TP63: variants seen among roughly 807,000 people sequenced by gnomAD.
TP63 encodes tumor protein 63.
TP63 carries 17 observed loss-of-function variants against 82.8 expected under a neutral mutation model. The ratio of observed to expected loss-of-function variants is 0.21; its 90% CI spans 0.14 to 0.31. TP63 has a LOEUF of 0.31. Among genes scored for constraint, TP63 ranks in the 10% least tolerant of loss-of-function variants. TP63 has a pLI of 1.00. For synonymous variants in TP63, 330 were observed against 321.7 expected, an observed-to-expected ratio of 1.03 and a Z score of -0.28; for missense variants, 648 against 895.3, an observed-to-expected ratio of 0.72 and a Z score of 3.52.
At chr3:189,890,573 C>T (rs1377885920) in intron 12 of TP63, among the ~76,000 whole-genome samples, 1 of 152,044 alleles carries the variant, frequency 6.6e-6, no homozygotes, top group Non-Finnish European at 1.5e-5. Context: ...TGCAGGAATC[C>T]TTATAGTTGA....
At chr3:189,679,600 A>T (rs1715734975) in intron 1 of TP63, among the ~76,000 whole-genome samples, 1 of 151,796 alleles carries the variant, frequency 6.6e-6, no homozygotes, top group Admixed American at 6.6e-5. Context: ...CATTCTGTTG[A>T]TTGTTTTTTT....
intron 4 of TP63, among the ~76,000 whole-genome samples, chr3:189,808,919 ATTAAG>A (rs1727233067): frequency 1.3e-5 from 2 of 152,232 alleles, no homozygotes; most frequent in Admixed American, 6.5e-5. Context: ...TAAGTGTCAC[ATTAAG>A]TTGTGATTTT....
chr3:189,839,361 A>G (rs1713644804), intron 4 of TP63, among the ~76,000 whole-genome samples: 1 of 152,234 alleles, frequency 6.6e-6, no homozygotes, highest in South Asian at 2.1e-4. Context: ...TAGAAGCACA[A>G]AGTGGAACCT....
At chr3:189,751,040 G>T (rs1225132796) in intron 3 of TP63, among the ~76,000 whole-genome samples, 1 of 152,052 alleles carries the variant, frequency 6.6e-6, no homozygotes, top group Non-Finnish European at 1.5e-5. Context: ...TGATTGTTCA[G>T]TTCCCACCTA....
At chr3:189,683,530 G>A (rs1390877244) in intron 1 of TP63, among the ~76,000 whole-genome samples, 3 of 152,146 alleles carry the variant, frequency 2.0e-5, no homozygotes, top group Admixed American at 1.3e-4. Flanking sequence ...AGATGCTGGA[G>A]CAGCAGACAC....
At chr3:189,818,349 T>C (rs915092154) in intron 4 of TP63, among the ~76,000 whole-genome samples, 1 of 152,074 alleles carries the variant, frequency 6.6e-6, no homozygotes, top group African/African-American at 2.4e-5. Context: ...CATAAGCCAG[T>C]ATAATTATTG....
intron 3 of TP63, among the ~76,000 whole-genome samples, chr3:189,791,287 CAA>C (rs1725114185): frequency 6.6e-6 from 1 of 151,970 alleles, no homozygotes. Context: ...ATGGGAGAAG[CAA>C]AAGTCTGTTC....
intron 1 of TP63, among the ~76,000 whole-genome samples, chr3:189,680,877 A>G (rs537907602): frequency 6.6e-6 from 1 of 152,214 alleles, no homozygotes; most frequent in African/African-American, 2.4e-5. Context: ...TGTTGAGGCA[A>G]GTTTGGAGCC....
intron 1 of TP63, among the ~76,000 whole-genome samples, chr3:189,673,555 G>A (rs972577228): frequency 6.6e-6 from 1 of 152,180 alleles, no homozygotes; most frequent in East Asian, 1.9e-4. Flanking sequence ...TTATTTTTGT[G>A]TATAGGTCGT....
At chr3:189,783,162 A>C (rs957756917) in intron 3 of TP63, among the ~76,000 whole-genome samples, 1 of 151,932 alleles carries the variant, frequency 6.6e-6, no homozygotes, top group Non-Finnish European at 1.5e-5. Context: ...GTAGCAGTTT[A>C]ATTTCTTTAA....
At chr3:189,772,522 C>T (rs1723454947) in intron 3 of TP63, among the ~76,000 whole-genome samples, 1 of 152,238 alleles carries the variant, frequency 6.6e-6, no homozygotes, top group South Asian at 2.1e-4. Flanking sequence ...TCCATAGTTG[C>T]TCTCACACTG....
chr3:189,733,931 C>T (rs186914313), intron 1 of TP63, among the ~76,000 whole-genome samples: 121 of 152,208 alleles, frequency 7.9e-4, no homozygotes, highest in Admixed American at 1.3e-3. Context: ...CCTTAATTCT[C>T]ATACCCCACT....
At chr3:189,843,363 G>A (rs528612828) in intron 4 of TP63, among the ~76,000 whole-genome samples, 2 of 152,318 alleles carry the variant, frequency 1.3e-5, no homozygotes, top group South Asian at 4.1e-4. Flanking sequence ...TGTGGGCGCG[G>A]CCCGGGAAGA....
the TP63 span, among the ~76,000 whole-genome samples, chr3:189,612,551 A>C: frequency 6.6e-6 from 1 of 152,204 alleles, no homozygotes. Context: ...AAATGAACTA[A>C]TACAATAAAT....
chr3:189,612,761 CG>C, the TP63 span, among the ~76,000 whole-genome samples: 1 of 152,104 alleles, frequency 6.6e-6, no homozygotes, highest in Non-Finnish European at 1.5e-5. Context: ...ATAAAGTCCA[CG>C]CTGAGGTGGT....
chr3:189,666,916 G>A (rs1029543270), intron 1 of TP63, among the ~76,000 whole-genome samples: 1 of 151,288 alleles, frequency 6.6e-6, no homozygotes, highest in Non-Finnish European at 1.5e-5. Context: ...TTAAATGACA[G>A]TAGAGGAACT....
intron 3 of TP63, among the ~76,000 whole-genome samples, chr3:189,778,635 A>G (rs1724001123): frequency 1.3e-5 from 2 of 152,222 alleles, no homozygotes; most frequent in African/African-American, 4.8e-5. Flanking sequence ...TAGGAATTGT[A>G]AGAATGTGGA....
At chr3:189,884,557 C>A (rs1349907115) in intron 10 of TP63, among the ~76,000 whole-genome samples, 1 of 152,150 alleles carries the variant, frequency 6.6e-6, no homozygotes, top group East Asian at 1.9e-4. Flanking sequence ...ATACCATGAC[C>A]TGCTCCACAA....
intron 3 of TP63, among the ~76,000 whole-genome samples, chr3:189,774,192 G>C (rs1040561876): frequency 9.9e-5 from 15 of 152,102 alleles, no homozygotes; most frequent in Non-Finnish European, 2.1e-4. Context: ...AAAGTGCTGG[G>C]ATTACAGGCG....
Sources: gnomAD v4.1 joint callset for allele counts (sites outside exome capture counted in the v4.1 genomes callset) on GRCh38, gnomAD v4.1.1 for gene constraint, MANE v1.5 for transcripts, NCBI Gene and HGNC (gene_info 2026-07-23, HGNC 2026-07-21) for gene names.